Variants in EDA observed in about 807,000 individuals in gnomAD.
EDA encodes ectodysplasin A.
EDA carries 2 observed loss-of-function variants against 23.6 expected under a neutral mutation model. The ratio of observed to expected loss-of-function variants is 0.08; its 90% CI spans 0.03 to 0.27. The LOEUF (loss-of-function observed/expected upper bound fraction) is 0.27. Among genes scored for constraint, EDA ranks in the 10% least tolerant of loss-of-function variants. EDA has a pLI of 1.00. For missense variants in EDA, 229 were observed against 324.2 expected, an observed-to-expected ratio of 0.71 and a Z score of 2.26; for synonymous variants, 131 against 132.0, an observed-to-expected ratio of 0.99 and a Z score of 0.05.
chrX:69,672,285 T>G (rs930651048), intron 1 of EDA, among the ~76,000 whole-genome samples: 1 of 111,616 alleles, frequency 9.0e-6, no homozygotes, highest in Non-Finnish European at 1.9e-5. Context: ...CCATGCCAGG[T>G]TTTTCTCCAT....
chrX:69,902,600 A>G (rs184138534), intron 1 of EDA, among the ~76,000 whole-genome samples: 2 of 112,231 alleles, frequency 1.8e-5, no homozygotes, highest in East Asian at 2.8e-4. Context: ...TATAACATTA[A>G]AAAAATTCTG....
chrX:69,760,605 A>G (rs2014280785), intron 1 of EDA, among the ~76,000 whole-genome samples: 1 of 112,278 alleles, frequency 8.9e-6, no homozygotes, highest in Non-Finnish European at 1.9e-5. Context: ...CAGCAAGGAT[A>G]TCAGTTGGTT....
chrX:69,752,922 A>G (rs766626499), intron 1 of EDA, among the ~76,000 whole-genome samples: 1 of 111,033 alleles, frequency 9.0e-6, no homozygotes, highest in South Asian at 3.8e-4. Flanking sequence ...CGGTGGTGAT[A>G]TCTCCTTTAT....
chrX:69,741,506 T>C (rs919673519), intron 1 of EDA, among the ~76,000 whole-genome samples: 2 of 111,869 alleles, frequency 1.8e-5, no homozygotes, highest in African/African-American at 6.5e-5. Flanking sequence ...TTGGTTTTTA[T>C]CAGGGCTCTA....
At chrX:69,700,058 G>T (rs781534832) in intron 1 of EDA, among the ~76,000 whole-genome samples, 42 of 111,109 alleles carry the variant, frequency 3.8e-4, no homozygotes, top group African/African-American at 1.4e-3. Context: ...CTAGATAGGT[G>T]ACTGAGGGGG....
At chrX:69,705,544 CT>C (rs1218109354) in intron 1 of EDA, among the ~76,000 whole-genome samples, 1 of 112,062 alleles carries the variant, frequency 8.9e-6, no homozygotes, top group Non-Finnish European at 1.9e-5. Context: ...GACCTTTGTC[CT>C]TTTTTAAAAT....
intron 1 of EDA, among the ~76,000 whole-genome samples, chrX:69,888,456 C>T (rs2017862390): frequency 9.3e-6 from 1 of 107,405 alleles, no homozygotes; most frequent in Non-Finnish European, 1.9e-5. Flanking sequence ...CAATAATTAC[C>T]TTGAATGTAT....
intron 1 of EDA, among the ~76,000 whole-genome samples, chrX:69,746,837 G>A (rs1487691773): frequency 9.0e-6 from 1 of 111,566 alleles, no homozygotes; most frequent in Non-Finnish European, 1.9e-5. Flanking sequence ...CTAGGGATGG[G>A]ATGAAGGAAA....
intron 1 of EDA, among the ~76,000 whole-genome samples, chrX:69,751,472 T>G: frequency 8.9e-6 from 1 of 112,224 alleles, no homozygotes. Flanking sequence ...GCCTCCAGCT[T>G]TGTTCTTTTT....
At chrX:69,641,753 T>G (rs1208509900) in intron 1 of EDA, among the ~76,000 whole-genome samples, 1 of 111,607 alleles carries the variant, frequency 9.0e-6, no homozygotes. Context: ...TGTATAATGG[T>G]GCAGCAAGAA....
intron 2 of EDA, among the ~76,000 whole-genome samples, chrX:69,989,940 T>C (rs963387000): frequency 2.0e-5 from 2 of 100,031 alleles, no homozygotes; most frequent in African/African-American, 8.4e-5. Context: ...GGCTTTCTTT[T>C]TTTTTTTTTT....
chrX:69,646,893 G>A (rs377197190), intron 1 of EDA, among the ~76,000 whole-genome samples: 3 of 111,810 alleles, frequency 2.7e-5, no homozygotes, highest in African/African-American at 9.7e-5. Context: ...AGGTCTGGTG[G>A]TAATGAATTC....
chrX:69,850,781 C>T (rs1300291632), intron 1 of EDA, among the ~76,000 whole-genome samples: 4 of 112,369 alleles, frequency 3.6e-5, no homozygotes, highest in African/African-American at 9.7e-5. Context: ...TGGAGAATCC[C>T]ATTTGTATTC....
At chrX:69,632,226 G>A (rs1288761309) in intron 1 of EDA, among the ~76,000 whole-genome samples, 1 of 111,588 alleles carries the variant, frequency 9.0e-6, no homozygotes, top group East Asian at 2.8e-4. Context: ...TCAAAGAGCA[G>A]TAGCCATGTG....
intron 1 of EDA, among the ~76,000 whole-genome samples, chrX:69,844,122 A>G (rs2016958315): frequency 9.0e-6 from 1 of 110,817 alleles, no homozygotes; most frequent in African/African-American, 3.3e-5. Flanking sequence ...AAATATAATG[A>G]GAAAGAAATG....
chrX:69,769,962 T>C (rs943659094), intron 1 of EDA, among the ~76,000 whole-genome samples: 1 of 111,366 alleles, frequency 9.0e-6, no homozygotes, highest in African/African-American at 3.3e-5. Flanking sequence ...ATCTGTTCTA[T>C]CTTTATAATT....
intron 1 of EDA, chrX:69,670,281 T>C: frequency 2.5e-6 from 1 of 398,245 alleles, no homozygotes. Flanking sequence ...GATATTCTAA[T>C]GGATATTCCT....
chrX:69,961,217 C>T lies in EDA; in HGVS notation c.502+4085C>T, dbSNP rs183105494. On this transcript the variant is annotated intron_variant, in intron 2 of 7. Coordinates refer to ENST00000374552, the MANE Select transcript of EDA (RefSeq NM_001399.5). ...CTCGAACTGCTGACGTTGAGTGATCCGCCCACCTCAGCCTCCCAAAGTGCT... is the reference window on the plus strand; with the variant it reads ...CTCGAACTGCTGACGTTGAGTGATCTGCCCACCTCAGCCTCCCAAAGTGCT... 2.3e-4 allele frequency among the ~76,000 whole-genome samples: 25 copies of T among 111,026 alleles called. 1 individual carries two copies. The highest frequency in any genetic ancestry group is 2.2e-3 in the Admixed American group (23 of 10,435).
intron 2 of EDA, among the ~76,000 whole-genome samples, chrX:69,990,740 C>CTT (rs747453925): frequency 5.5e-5 from 5 of 90,761 alleles, no homozygotes; most frequent in Non-Finnish European, 8.8e-5. Flanking sequence ...TTTGCTAGGG[C>CTT]TTTTTTTTTT....
Sources: gnomAD v4.1 joint callset for allele counts (sites outside exome capture counted in the v4.1 genomes callset) on GRCh38, gnomAD v4.1.1 for gene constraint, MANE v1.5 for transcripts, NCBI Gene and HGNC (gene_info 2026-07-23, HGNC 2026-07-21) for gene names.